Variants in D2HGDH observed in about 807,000 individuals in gnomAD.
The protein encoded by D2HGDH is D-2-hydroxyglutarate dehydrogenase, also known as D-2-hydroxyglutarate dehydrogenase, mitochondrial.
In D2HGDH, 31 loss-of-function variants were observed where a neutral mutation model predicts 46.9. The ratio of observed to expected loss-of-function variants is 0.66; its 90% confidence interval spans 0.50 to 0.89. D2HGDH has a LOEUF of 0.89. Ranked by LOEUF, D2HGDH falls within the 40% of genes least tolerant of loss-of-function variation. D2HGDH has a pLI of 0.00. For missense variants in D2HGDH, 698 were observed against 720.8 expected, an observed-to-expected ratio of 0.97 and a Z score of 0.36; for synonymous variants, 364 against 332.6, an observed-to-expected ratio of 1.09 and a Z score of -1.03.
rs570172401 is a variant in D2HGDH at position 241,743,766 on chromosome 2, G to A, written c.635G>A (p.Arg212Gln). ...GNVATNAGGL[R>Q]FLRYGSLHGT... The stretch of plus-strand genomic sequence containing the variant: ...GTGGCAACCAACGCTGGAGGCCTGC[G>A]GTTTCTTCGATATGGCTCACTGCAT... The change falls in exon 5 of 10, where the codon CGG (arginine) becomes CAG (glutamine). Residue 212 changes from arginine to glutamine, a missense_variant. Physicochemically the swap from Arg to Gln is conservative, Grantham distance 43. Transcript: ENST00000321264. The surrounding 1 kb of genome is among the most constrained non-coding windows in gnomAD (Gnocchi z 4.8). The A allele has an allele frequency of 6.8e-6, 11 of 1,610,762 alleles. No individual in the cohort carries two copies. The highest frequency in any genetic ancestry group is 2.2e-5 in the East Asian group (1 of 44,788).
chr2:241,761,901 G>A (rs182164055), intron 9 of D2HGDH, among the ~76,000 whole-genome samples: 218 of 152,218 alleles, frequency 1.4e-3, no homozygotes, highest in African/African-American at 5.1e-3. Flanking sequence ...CTTTTCCTCA[G>A]TGGATTTCCG....
intron 9 of D2HGDH, among the ~76,000 whole-genome samples, chr2:241,760,641 A>ATAGTGTGGGTGGGCCTTACCCAAT (rs1698711512): frequency 6.6e-6 from 1 of 151,576 alleles, no homozygotes; most frequent in African/African-American, 2.4e-5. Flanking sequence ...GTCCTTTGCC[A>ATAGTGTGGGTGGGCCTTACCCAAT]CAGTGTGGGT....
intron 8 of D2HGDH, 27 bp from the exon 9 acceptor site, chr2:241,755,822 C>T: frequency 6.2e-7 from 1 of 1,610,852 alleles, no homozygotes; most frequent in Non-Finnish European, 8.5e-7. Flanking sequence ...ATAGCCAGCC[C>T]TTGTCTCATC....
At chr2:241,736,410 CAG>C (rs749381001) in intron 2 of D2HGDH, among the ~76,000 whole-genome samples, 184 of 146,864 alleles carry the variant, frequency 1.3e-3, no homozygotes, top group Non-Finnish European at 1.9e-3. Flanking sequence ...AGTGTGAAAT[CAG>C]GGTATCACAG....
At chr2:241,763,960 G>A (rs986166059) in intron 9 of D2HGDH, among the ~76,000 whole-genome samples, 1 of 152,202 alleles carries the variant, frequency 6.6e-6, no homozygotes, top group African/African-American at 2.4e-5. Context: ...AGAGGTGGGA[G>A]GACTGACTGA....
Position 241,742,943 on chromosome 2 carries a change from C to A in D2HGDH, c.490+369C>A. On this transcript the variant is annotated intron_variant, in intron 4 of 9. Coordinates refer to ENST00000321264, the MANE Select transcript of D2HGDH (RefSeq NM_152783.5). This position sits in a 1 kb window ranked among gnomAD's most constrained non-coding sequence, Gnocchi z 4.8. ...GTGAGGGGATCCTGACCCAGGGCGCCAGGGCGTGGCAGGCGTGAGGGGATC... is the reference window on the plus strand; with the variant it reads ...GTGAGGGGATCCTGACCCAGGGCGCAAGGGCGTGGCAGGCGTGAGGGGATC... Among the ~76,000 whole-genome samples, 1 of 121,558 alleles carries A rather than the reference C, an allele frequency of 8.2e-6. No homozygotes were observed. The highest frequency in any genetic ancestry group is 2.5e-4 in the East Asian group (1 of 4,024). The allele number at this position is 121,558 out of a possible 152,430, so 79.7% of individuals were successfully genotyped here. A position where few individuals can be genotyped will look rare whatever the true frequency, so the allele number is the denominator to read the frequency against.
Position 241,743,515 on chromosome 2 carries a change from T to C in D2HGDH, c.491-107T>C, listed in dbSNP as rs1416675350. 1.1e-5 allele frequency: 15 copies of C among 1,317,154 alleles called. No individual in the cohort carries two copies. The Admixed American group carries it at 1.8e-4, about 16-fold the overall frequency. 81.6% of individuals were successfully genotyped at this position (1,317,154 alleles called of 1,614,324 possible). A position where few individuals can be genotyped will look rare whatever the true frequency, so the allele number is the denominator to read the frequency against. On this transcript the variant is annotated intron_variant, in intron 4 of 9. Coordinates refer to ENST00000321264, the MANE Select transcript of D2HGDH (RefSeq NM_152783.5). The surrounding 1 kb of genome is among the most constrained non-coding windows in gnomAD (Gnocchi z 4.8). ...TTCTCCTCAGCCCTGGCGCTGAGGCTGATGTTCCTTCTGGGTGGCTTGCCT... is the reference window on the plus strand; with the variant it reads ...TTCTCCTCAGCCCTGGCGCTGAGGCCGATGTTCCTTCTGGGTGGCTTGCCT...
chr2:241,749,772 C>A, intron 6 of D2HGDH: 1 of 348,696 alleles, frequency 2.9e-6, no homozygotes, highest in Non-Finnish European at 5.6e-6. Flanking sequence ...TGCACCTGTC[C>A]CTCCTGATCT....
intron 2 of D2HGDH, among the ~76,000 whole-genome samples, chr2:241,737,293 T>A (rs1693185612): frequency 6.6e-6 from 1 of 152,184 alleles, no homozygotes; most frequent in Non-Finnish European, 1.5e-5. Context: ...TAAGGTCCCA[T>A]TCACAGGTCT....
At chr2:241,750,393 C>CGGGGGGGGGGGGGGGGGGGGG in intron 7 of D2HGDH, 99 bp downstream of exon 7, 1 of 489,036 alleles carries the variant, frequency 2.0e-6, no homozygotes, top group East Asian at 7.5e-5. Context: ...CGGGGGGTGC[C>CGGGGGGGGGGGGGGGGGGGGG]CGGGCGGGCG....
Position 241,763,963 on chromosome 2 carries a change from C to G in D2HGDH, c.1307-3747C>G, listed in dbSNP as rs562473251. On this transcript the variant is annotated intron_variant, in intron 9 of 9. Coordinates refer to ENST00000321264, the MANE Select transcript of D2HGDH (RefSeq NM_152783.5). Reference sequence around the variant, plus strand: ...TACTCAGGAGGCAGAGGTGGGAGGACTGACTGAGCACAGGAGGTTGAAGTG... The same window carrying G: ...TACTCAGGAGGCAGAGGTGGGAGGAGTGACTGAGCACAGGAGGTTGAAGTG... Among the ~76,000 whole-genome samples, 76 of 152,316 alleles carry G rather than the reference C, an allele frequency of 5.0e-4. 2 individuals are homozygous for G. The highest frequency in any genetic ancestry group is 4.5e-3 in the Admixed American group (69 of 15,304).
At chr2:241,758,648 C>G (rs933450530) in intron 9 of D2HGDH, among the ~76,000 whole-genome samples, 1 of 152,062 alleles carries the variant, frequency 6.6e-6, no homozygotes, top group African/African-American at 2.4e-5. Flanking sequence ...CAGTGGTTCA[C>G]GCCTATAATC....
At chr2:241,756,191 T>C (rs896711271) in intron 9 of D2HGDH, among the ~76,000 whole-genome samples, 177 bp downstream of exon 9, 2 of 152,220 alleles carry the variant, frequency 1.3e-5, no homozygotes, top group Non-Finnish European at 2.9e-5. Context: ...TCCTAATCGT[T>C]GTCATGACTC....
intron 9 of D2HGDH, among the ~76,000 whole-genome samples, chr2:241,758,084 G>A (rs1432101799): frequency 6.6e-6 from 1 of 152,198 alleles, no homozygotes; most frequent in Non-Finnish European, 1.5e-5. Flanking sequence ...TGATCCCTCT[G>A]GAGTCAGATG....
chr2:241,753,076 G>A (rs1446207961), intron 8 of D2HGDH, among the ~76,000 whole-genome samples: 1 of 152,170 alleles, frequency 6.6e-6, no homozygotes, highest in African/African-American at 2.4e-5. Flanking sequence ...AGGGCCGAAT[G>A]GGGCTGGTTC....
rs373904767 is a variant in D2HGDH, at chr2:241,743,899, G to C, written c.684+84G>C. The C allele has an allele frequency of 6.7e-7, 1 of 1,494,134 alleles. No homozygotes were observed. The highest frequency in any genetic ancestry group is 9.1e-7 in the Non-Finnish European group (1 of 1,101,422). The allele number at this position is 1,494,134 out of a possible 1,614,324, so 92.6% of individuals were successfully genotyped here. ...CATGGGCCCACGTGGTGGCACAGGTGCATGGGGCCCCTCGGGGTGGGAGGT... is the reference window on the plus strand; with the variant it reads ...CATGGGCCCACGTGGTGGCACAGGTCCATGGGGCCCCTCGGGGTGGGAGGT... On this transcript the variant is annotated intron_variant, in intron 5 of 9. Coordinates refer to ENST00000321264, the MANE Select transcript of D2HGDH (RefSeq NM_152783.5). The surrounding 1 kb of genome is among the most constrained non-coding windows in gnomAD (Gnocchi z 4.8).
intron 6 of D2HGDH, 94 bp downstream of exon 6, chr2:241,744,971 G>GACC: frequency 6.9e-7 from 1 of 1,441,552 alleles, no homozygotes; most frequent in African/African-American, 1.7e-5. Context: ...GGGATGGAGG[G>GACC]ACCCCCCGCC....
intron 2 of D2HGDH, among the ~76,000 whole-genome samples, chr2:241,736,771 G>A (rs576269191): frequency 1.3e-5 from 2 of 151,776 alleles, no homozygotes; most frequent in South Asian, 4.2e-4. Flanking sequence ...CTGGGTGTAA[G>A]CAATTCAGCC....
chr2:241,742,519 GATC>G lies in D2HGDH; in HGVS notation c.439_441del (p.Ile147del), dbSNP rs747853577. 15 of 1,614,096 alleles carry G rather than the reference GATC, an allele frequency of 9.3e-6. No homozygotes were observed. The highest frequency in any genetic ancestry group is 1.2e-5 in the Non-Finnish European group (14 of 1,180,008). ...GTGGCAGCGTCCCCGTCTTTGACGAGATCATCCTCTCCACTGCCCGCATGAACC... is the reference window on the plus strand; with the variant it reads ...GTGGCAGCGTCCCCGTCTTTGACGAGATCCTCTCCACTGCCCGCATGAACC... On this transcript the variant is annotated inframe_deletion, in exon 4 of 10. Coordinates refer to ENST00000321264, the MANE Select transcript of D2HGDH (RefSeq NM_152783.5). This position sits in a 1 kb window ranked among gnomAD's most constrained non-coding sequence, Gnocchi z 4.8.
Sources: gnomAD v4.1 joint callset for allele counts (sites outside exome capture counted in the v4.1 genomes callset) on GRCh38, gnomAD v4.1.1 for gene constraint, Gnocchi (gnomAD v3.1) non-coding constraint, MANE v1.5 for transcripts, NCBI Gene and HGNC (gene_info 2026-07-23, HGNC 2026-07-21) for gene names.